The following GABRG3 variants were observed in gnomAD, a reference collection of about 807,000 sequenced individuals.
GABRG3 encodes gamma-aminobutyric acid receptor subunit gamma-3.
Under a neutral mutation model 48.8 loss-of-function variants are expected in GABRG3, and 25 were observed. That is an observed-to-expected ratio of 0.51 (90% CI 0.37 to 0.72). The LOEUF (loss-of-function observed/expected upper bound fraction) is 0.72. GABRG3 is among the 30% of genes least tolerant of loss of function. GABRG3 has a pLI of 0.00. For missense variants in GABRG3, 394 were observed against 577.9 expected (o/e 0.68, Z 3.26); for synonymous variants, 227 against 217.6 (o/e 1.04, Z -0.38).
intron 2 of GABRG3, among the ~76,000 whole-genome samples, chr15:26,989,467 C>T (rs1264254634): frequency 1.3e-5 from 2 of 151,810 alleles, no homozygotes; most frequent in African/African-American, 4.8e-5. Flanking sequence ...AGTTTTTGAC[C>T]GATTTTATTC....
At chr15:27,024,887 G>T (rs920844932) in intron 2 of GABRG3, among the ~76,000 whole-genome samples, 3 of 151,978 alleles carry the variant, frequency 2.0e-5, no homozygotes, top group African/African-American at 7.3e-5. Context: ...TTAGCTGGGC[G>T]TGGTGGCAGG....
At chr15:27,287,113 G>A (rs1231821509) in intron 3 of GABRG3, among the ~76,000 whole-genome samples, 1 of 152,122 alleles carries the variant, frequency 6.6e-6, no homozygotes, top group Non-Finnish European at 1.5e-5. Flanking sequence ...CGAAAATGAG[G>A]TGTTGAAGCC....
intron 6 of GABRG3, among the ~76,000 whole-genome samples, chr15:27,518,193 T>TAA (rs1891069226): frequency 5.9e-5 from 1 of 16,892 alleles, no homozygotes; most frequent in African/African-American, 3.4e-4. Flanking sequence ...CTACTAAAAA[T>TAA]ACAAAAAAAA....
chr15:26,998,991 C>A (rs1002902677), intron 2 of GABRG3, among the ~76,000 whole-genome samples: 7 of 151,806 alleles, frequency 4.6e-5, no homozygotes, highest in African/African-American at 1.7e-4. Context: ...CCTCATTTTG[C>A]CATTCTGGAA....
chr15:27,138,270 C>T (rs918427181), intron 3 of GABRG3, among the ~76,000 whole-genome samples: 2 of 152,108 alleles, frequency 1.3e-5, no homozygotes, highest in African/African-American at 2.4e-5. Flanking sequence ...TAGTCATGCC[C>T]CTTTTCACAC....
intron 3 of GABRG3, among the ~76,000 whole-genome samples, chr15:27,215,200 A>G (rs1445113127): frequency 6.6e-6 from 1 of 152,166 alleles, no homozygotes; most frequent in Non-Finnish European, 1.5e-5. Context: ...GGAAGTGAGA[A>G]CTCTGAAGGA....
intron 3 of GABRG3, among the ~76,000 whole-genome samples, chr15:27,072,645 C>T (rs777879287): frequency 1.3e-5 from 2 of 152,226 alleles, no homozygotes; most frequent in Non-Finnish European, 2.9e-5. Context: ...CGTCTCCAAG[C>T]TGGCCTGAGG....
At chr15:27,380,425 G>A (rs1364596991) in intron 5 of GABRG3, among the ~76,000 whole-genome samples, 1 of 145,554 alleles carries the variant, frequency 6.9e-6, no homozygotes, top group Non-Finnish European at 1.5e-5. Context: ...TGTGTGTGTG[G>A]TTTTTTTTTT....
At chr15:27,487,628 G>A (rs1321730062) in intron 6 of GABRG3, among the ~76,000 whole-genome samples, 1 of 152,116 alleles carries the variant, frequency 6.6e-6, no homozygotes, top group Non-Finnish European at 1.5e-5. Flanking sequence ...GTGTTGGACT[G>A]TATATACCAA....
At chr15:27,528,099 G>T (rs560220796) in intron 9 of GABRG3, 107 bp downstream of exon 9, 1 of 822,738 alleles carries the variant, frequency 1.2e-6, no homozygotes, top group Admixed American at 2.2e-5. Context: ...GAAGACCAAT[G>T]AGTGATGCAC....
chr15:27,076,982 T>TTCTGAGCATTCAGGTGAC, intron 3 of GABRG3, among the ~76,000 whole-genome samples: 1 of 152,222 alleles, frequency 6.6e-6, no homozygotes, highest in Admixed American at 6.5e-5. Context: ...AGACATTGGT[T>TTCTGAGCATTCAGGTGAC]TCTGAGCATT....
chr15:27,475,242 A>G (rs1044257974), intron 5 of GABRG3, among the ~76,000 whole-genome samples: 1 of 152,182 alleles, frequency 6.6e-6, no homozygotes, highest in African/African-American at 2.4e-5. Context: ...AGAGTCATAC[A>G]TCCTAACCTT....
Position 26,977,017 on chromosome 15 carries a change from A to G in GABRG3, c.69A>G (p.Glu23=), listed in dbSNP as rs1894962858. 1.2e-6 allele frequency: 2 copies of G among 1,613,964 alleles called. No individual in the cohort carries two copies. The highest frequency in any genetic ancestry group is 4.5e-5 in the East Asian group (2 of 44,876). The change falls in exon 2 of 10, where the codon GAA becomes GAG. Residue 23 remains glutamate, a synonymous_variant. Coordinates refer to ENST00000615808, the MANE Select transcript of GABRG3 (RefSeq NM_033223.5). ...SGLHARSRKV[E]EDEYEDSSSN... ...GTAACTCCAGGTCCAGAAAGGTGGA[A>G]GAGGATGAATATGAAGATTCATCAT...
intron 5 of GABRG3, among the ~76,000 whole-genome samples, chr15:27,462,174 C>T (rs1223239026): frequency 6.6e-6 from 1 of 152,096 alleles, no homozygotes; most frequent in Non-Finnish European, 1.5e-5. Context: ...TTTTGGATCA[C>T]CTCCCCTCTG....
intron 3 of GABRG3, among the ~76,000 whole-genome samples, chr15:27,240,873 T>C (rs897765849): frequency 7.9e-5 from 12 of 152,236 alleles, no homozygotes; most frequent in Admixed American, 7.2e-4. Context: ...GATCATGATG[T>C]TTGTTTTTAA....
chr15:27,454,752 T>C (rs1216183084), intron 5 of GABRG3, among the ~76,000 whole-genome samples: 2 of 152,216 alleles, frequency 1.3e-5, no homozygotes, highest in Admixed American at 1.3e-4. Context: ...AAGTAAGTCA[T>C]CCCTGTCCAC....
chr15:27,304,519 C>T (rs1425522557), intron 3 of GABRG3, among the ~76,000 whole-genome samples: 2 of 151,894 alleles, frequency 1.3e-5, no homozygotes, highest in East Asian at 3.9e-4. Context: ...AGAATGGATG[C>T]TTGAAGAGGT....
intron 5 of GABRG3, among the ~76,000 whole-genome samples, chr15:27,394,416 A>G (rs8040901): frequency 0.46 from 69,358 of 151,922 alleles, 16,936 homozygotes; most frequent in East Asian, 0.99. Context: ...TATGATAAGT[A>G]TATAAGCACA....
chr15:27,239,804 C>T (rs756169248), intron 3 of GABRG3, among the ~76,000 whole-genome samples: 5 of 152,120 alleles, frequency 3.3e-5, no homozygotes, highest in Non-Finnish European at 5.9e-5. Context: ...AAATGATAGT[C>T]GACAGCCATT....
Sources: gnomAD v4.1 joint callset for allele counts (sites outside exome capture counted in the v4.1 genomes callset) on GRCh38, gnomAD v4.1.1 for gene constraint, MANE v1.5 for transcripts, NCBI Gene and HGNC (gene_info 2026-07-23, HGNC 2026-07-21) for gene names.